Variants in FAM114A1 observed in about 807,000 individuals in gnomAD.
The protein encoded by FAM114A1 is family with sequence similarity 114 member A1.
Under a neutral mutation model 64.3 loss-of-function variants are expected in FAM114A1, and 62 were observed. The ratio of observed to expected loss-of-function variants is 0.96; its 90% CI spans 0.79 to 1.19. The LOEUF (loss-of-function observed/expected upper bound fraction) is 1.19, where lower values mean the gene tolerates loss of function less well. FAM114A1 is among the 50% of genes most tolerant of loss of function. The pLI, the probability that FAM114A1 is intolerant of heterozygous loss-of-function variation, is 0.00. For synonymous variants in FAM114A1, 254 were observed against 251.1 expected (o/e 1.01, Z -0.11); for missense variants, 645 against 676.3 (o/e 0.95, Z 0.51).
Position 38,932,222 on chromosome 4 carries a change from C to T in FAM114A1, c.1324-13C>T. The T allele has an allele frequency of 6.3e-7, 1 of 1,584,262 alleles. No individual in the cohort carries two copies. Among genetic ancestry groups the T allele is most frequent in the Non-Finnish European group, 8.5e-7 (1 of 1,171,460 alleles). ...TCAGTAAAAAATTTCTTGCTTGTGTCTATTCATTTCAGGAAGTATACATGT... is the reference window on the plus strand; with the variant it reads ...TCAGTAAAAAATTTCTTGCTTGTGTTTATTCATTTCAGGAAGTATACATGT... On this transcript the variant is annotated splice_polypyrimidine_tract_variant and intron_variant, in intron 11 of 14. Coordinates refer to ENST00000358869, the MANE Select transcript of FAM114A1 (RefSeq NM_138389.4).
At chr4:38,898,086 A>G (rs80327373) in intron 4 of FAM114A1, among the ~76,000 whole-genome samples, 2,688 of 152,344 alleles carry the variant, frequency 0.018, 93 homozygotes, top group African/African-American at 0.06. Flanking sequence ...GAAAGTCAAC[A>G]ATGCTAAAAC....
chr4:38,880,127 A>G (rs1415268610), intron 3 of FAM114A1, among the ~76,000 whole-genome samples: 4 of 98,100 alleles, frequency 4.1e-5, no homozygotes, highest in African/African-American at 7.3e-5. Flanking sequence ...ATAGAATAGA[A>G]TAGAATAGAA....
intron 8 of FAM114A1, among the ~76,000 whole-genome samples, chr4:38,921,964 A>G (rs1340588664): frequency 6.6e-6 from 1 of 152,146 alleles, no homozygotes; most frequent in Non-Finnish European, 1.5e-5. Context: ...ATTTTTTGAG[A>G]TGGAGTCTCG....
At chr4:38,877,966 A>AAG (rs1287347115) in intron 2 of FAM114A1, 105 bp from the exon 3 acceptor site, 417 of 777,968 alleles carry the variant, frequency 5.4e-4, no homozygotes, top group Non-Finnish European at 6.9e-4. Context: ...CTCCGTCTCA[A>AAG]AAAAAAAAAA....
At chr4:38,938,738 A>T (rs1430029836) in intron 13 of FAM114A1, 1 of 152,150 alleles carries the variant, frequency 6.6e-6, no homozygotes, top group Non-Finnish European at 1.5e-5. Context: ...TGAGGCCTAG[A>T]GGGGTGAATT....
At chr4:38,870,272 C>T (rs1351779037) in intron 2 of FAM114A1, among the ~76,000 whole-genome samples, 1 of 152,220 alleles carries the variant, frequency 6.6e-6, no homozygotes, top group African/African-American at 2.4e-5. Context: ...CACATGCTCT[C>T]ATCCCACCAG....
Position 38,929,271 on chromosome 4 carries a change from C to T in FAM114A1, c.1099C>T (p.Arg367Cys), listed in dbSNP as rs199734440. ...GLEEKGEEFARMLTELLFELH... is the reference protein window; with the variant it reads ...GLEEKGEEFACMLTELLFELH... The stretch of plus-strand genomic sequence containing the variant: ...AGAAGAAAAGGGAGAAGAATTTGCT[C>T]GCATGCTTACAGAGCTTCTCTTTGA... Residue 367 changes from arginine (R) to cysteine (C), a missense_variant, in exon 10 of 15, where the codon CGC (arginine) becomes TGC (cysteine). Coordinates refer to ENST00000358869, the MANE Select transcript of FAM114A1 (RefSeq NM_138389.4). 5.2e-5 allele frequency: 84 copies of T among 1,613,816 alleles called. No homozygotes were observed. The East Asian group carries it at 1.7e-3, about 33-fold the overall frequency.
intron 12 of FAM114A1, among the ~76,000 whole-genome samples, chr4:38,935,059 C>T (rs1270919227): frequency 3.3e-5 from 5 of 152,150 alleles, no homozygotes; most frequent in South Asian, 2.1e-4. Flanking sequence ...AGATTACAGG[C>T]GCCTGCCACC....
At chr4:38,928,324 T>C (rs903561614) in intron 9 of FAM114A1, among the ~76,000 whole-genome samples, 2 of 152,216 alleles carry the variant, frequency 1.3e-5, no homozygotes, top group Admixed American at 1.3e-4. Context: ...AATAAATCCA[T>C]GTGGAATCCA....
chr4:38,929,992 AG>A (rs942146338), intron 10 of FAM114A1, among the ~76,000 whole-genome samples: 14 of 152,170 alleles, frequency 9.2e-5, no homozygotes, highest in African/African-American at 3.4e-4. Flanking sequence ...GCAGGGAAAA[AG>A]GGTGCAGAAT....
intron 13 of FAM114A1, among the ~76,000 whole-genome samples, chr4:38,940,284 G>A (rs768421324): frequency 6.6e-6 from 1 of 151,986 alleles, no homozygotes; most frequent in Non-Finnish European, 1.5e-5. Flanking sequence ...CTGCAGACCT[G>A]TTTTCAAGTT....
At chr4:38,935,939 T>G in intron 13 of FAM114A1, 149 bp downstream of exon 13, 3 of 628,112 alleles carry the variant, frequency 4.8e-6, no homozygotes, top group Non-Finnish European at 5.7e-6. Context: ...GTAACTTCTC[T>G]AAGGACAGGC....
chr4:38,884,606 C>T (rs149433175), intron 3 of FAM114A1, among the ~76,000 whole-genome samples: 129 of 152,250 alleles, frequency 8.5e-4, no homozygotes, highest in African/African-American at 3.0e-3. Flanking sequence ...ATTCTATAAG[C>T]GAAATCAAGT....
At chr4:38,872,423 C>A (rs1224569395) in intron 2 of FAM114A1, among the ~76,000 whole-genome samples, 1 of 152,174 alleles carries the variant, frequency 6.6e-6, no homozygotes, top group Non-Finnish European at 1.5e-5. Context: ...TTTATCACAG[C>A]CAGATTTACT....
chr4:38,908,217 G>A (rs1165193985), intron 6 of FAM114A1, among the ~76,000 whole-genome samples: 2 of 152,084 alleles, frequency 1.3e-5, no homozygotes, highest in African/African-American at 2.4e-5. Flanking sequence ...AACAGAAACA[G>A]CAATTTATTT....
In FAM114A1 at chr4:38,905,125, G is replaced by A. The variant is rs371833930; in HGVS notation, c.437-397G>A. Among the ~76,000 whole-genome samples, 220 of 152,054 alleles carry A rather than the reference G, an allele frequency of 1.4e-3. 1 individual carries two copies. The highest frequency in any genetic ancestry group is 4.7e-3 in the African/African-American group (195 of 41,482). ...GGATGTACTTCTACAGGCCAGGTGC[G>A]ATGGCTCACACCTGTAATCCCAGCA... On this transcript the variant is annotated intron_variant, in intron 4 of 14. Transcript: ENST00000358869.
intron 2 of FAM114A1, among the ~76,000 whole-genome samples, chr4:38,868,830 C>T (rs1579275782): frequency 6.6e-6 from 1 of 152,336 alleles, no homozygotes; most frequent in East Asian, 1.9e-4. Context: ...TTCCCTACCC[C>T]ACCCATAGGC....
Position 38,923,032 on chromosome 4 carries a change from C to T in FAM114A1, c.1069+139C>T, listed in dbSNP as rs895600383. ...TTCCAAAAGACACTGTGCATCTGCT[C>T]TTGTTACAGGAGCTGGTCACATTGA... is the stretch of plus-strand genomic sequence containing the variant. On this transcript the variant is annotated intron_variant, in intron 9 of 14. Coordinates refer to ENST00000358869, the MANE Select transcript of FAM114A1 (RefSeq NM_138389.4). 5.0e-6 allele frequency: 5 copies of T among 1,007,508 alleles called. No individual in the cohort carries two copies. In the South Asian group the frequency reaches 5.4e-5, roughly 11 times the overall value. The allele number at this position is 1,007,508 out of a possible 1,614,324, so 62.4% of individuals were successfully genotyped here. A position where few individuals can be genotyped will look rare whatever the true frequency, so the allele number is the denominator to read the frequency against.
intron 4 of FAM114A1, 33 bp from the exon 5 acceptor site, chr4:38,905,489 T>C (rs758847341): frequency 1.8e-5 from 26 of 1,482,762 alleles, no homozygotes; most frequent in African/African-American, 2.8e-5. Flanking sequence ...GGATTTCTAA[T>C]GTATCCATGA....
Sources: gnomAD v4.1 joint callset for allele counts (sites outside exome capture counted in the v4.1 genomes callset) on GRCh38, gnomAD v4.1.1 for gene constraint, MANE v1.5 for transcripts, NCBI Gene and HGNC (gene_info 2026-07-23, HGNC 2026-07-21) for gene names.